GSE1: variants seen among roughly 807,000 people sequenced by gnomAD.
GSE1 encodes genetic suppressor element 1.
In GSE1, 32 loss-of-function variants were observed where a neutral mutation model predicts 112.6. The observed-to-expected ratio is 0.28, with a 90% CI of 0.21 to 0.38. The LOEUF (loss-of-function observed/expected upper bound fraction) is 0.38, where lower values mean the gene tolerates loss of function less well. Ranked by LOEUF, GSE1 falls within the 10% of genes least tolerant of loss-of-function variation. The pLI is 1.00. For synonymous variants in GSE1, 1,115 were observed against 735.6 expected (o/e 1.52, Z -8.35); for missense variants, 2,348 against 1,699.2 (o/e 1.38, Z -6.71).
chr16:85,319,782 T>A (rs1478538872), intron 1 of GSE1, among the ~76,000 whole-genome samples: 1 of 152,206 alleles, frequency 6.6e-6, no homozygotes, highest in Non-Finnish European at 1.5e-5. Context: ...ATCTTATACC[T>A]TTTAGACCTT....
At chr16:85,664,953 C>T (rs1430096614) in intron 11 of GSE1, 62 bp from the exon 12 acceptor site, 7 of 1,122,836 alleles carry the variant, frequency 6.2e-6, no homozygotes, top group Admixed American at 5.2e-5. Context: ...TAGAATCCCG[C>T]TGTCCTTCTC....
intron 1 of GSE1, among the ~76,000 whole-genome samples, chr16:85,293,501 G>A (rs1422236819): frequency 6.6e-6 from 1 of 152,136 alleles, no homozygotes; most frequent in Non-Finnish European, 1.5e-5. Flanking sequence ...AGCTGAGATT[G>A]AGCCCCTGCA....
Position 85,491,076 on chromosome 16 carries a change from G to C in GSE1, c.2464+133433G>C, listed in dbSNP as rs183409950. Reference sequence around the variant, plus strand: ...CCTTGAGGTAGGTCCTGCAGGCGCCGGGGGAGGGGTACAGCTGGGCCCCCC... The same window carrying C: ...CCTTGAGGTAGGTCCTGCAGGCGCCCGGGGAGGGGTACAGCTGGGCCCCCC... On this transcript the variant is annotated intron_variant, in intron 2 of 2. Coordinates refer to the GSE1 transcript ENST00000637419. 2.0e-5 allele frequency among the ~76,000 whole-genome samples: 3 copies of C among 152,178 alleles called. No homozygotes were observed. The East Asian group carries it at 5.8e-4, about 29-fold the overall frequency.
At chr16:85,505,490 C>T (rs1050287662) in intron 2 of GSE1, among the ~76,000 whole-genome samples, 3 of 152,266 alleles carry the variant, frequency 2.0e-5, no homozygotes, top group Admixed American at 6.5e-5. Flanking sequence ...AGAGCCCAGG[C>T]CCTGAGAGCA....
intron 2 of GSE1, among the ~76,000 whole-genome samples, chr16:85,504,535 G>T (rs760689904): frequency 4.6e-5 from 7 of 152,216 alleles, no homozygotes; most frequent in Admixed American, 1.3e-4. Flanking sequence ...TGAAGCCGAC[G>T]AGTCTTTGGG....
At chr16:85,346,769 C>T (rs372375324) in intron 1 of GSE1, among the ~76,000 whole-genome samples, 37 of 92,370 alleles carry the variant, frequency 4.0e-4, no homozygotes, top group Non-Finnish European at 5.6e-4. Flanking sequence ...GGTGGGTGGA[C>T]GGTGGATGGA....
At chr16:85,615,654 A>G (rs1051615491) in intron 1 of GSE1, among the ~76,000 whole-genome samples, 10 of 152,300 alleles carry the variant, frequency 6.6e-5, no homozygotes, top group African/African-American at 2.4e-4. Context: ...GCTGAGCTCA[A>G]AACAAGGAAG....
At chr16:85,391,562 G>C (rs1012117537) in intron 2 of GSE1, among the ~76,000 whole-genome samples, 1 of 152,170 alleles carries the variant, frequency 6.6e-6, no homozygotes, top group Non-Finnish European at 1.5e-5. Context: ...CAGTGTCTGC[G>C]GTCATCACGT....
chr16:85,229,785 A>T (rs1191871008), intron 1 of GSE1, among the ~76,000 whole-genome samples: 5 of 152,182 alleles, frequency 3.3e-5, no homozygotes, highest in African/African-American at 1.2e-4. Flanking sequence ...AGTAAATCCA[A>T]ATGTGATTCT....
chr16:85,246,788 C>T lies in GSE1; in HGVS notation c.2283+74981C>T, dbSNP rs576910146. ...ATGGGCACCCTCTGGGGGAGCCTCC[C>T]CCCTGGATGTCTGTGGCCCCTACTG... On this transcript the variant is annotated intron_variant, in intron 1 of 2. Coordinates refer to the GSE1 transcript ENST00000637419. 9.2e-5 allele frequency among the ~76,000 whole-genome samples: 14 copies of T among 152,156 alleles called. No individual in the cohort carries two copies. The East Asian group carries it at 9.7e-4, about 11-fold the overall frequency.
intron 1 of GSE1, among the ~76,000 whole-genome samples, chr16:85,197,948 G>A (rs552890575): frequency 9.2e-5 from 14 of 152,300 alleles, no homozygotes; most frequent in Non-Finnish European, 1.6e-4. Context: ...TGGTGAGCAC[G>A]CAGGGCAATT....
intron 1 of GSE1, among the ~76,000 whole-genome samples, chr16:85,605,546 G>C (rs534169695): frequency 1.3e-5 from 2 of 152,060 alleles, no homozygotes; most frequent in African/African-American, 2.4e-5. Flanking sequence ...TCACCAAAGT[G>C]GGGGCAGGGG....
At chr16:85,643,342 A>T (rs947118635) in intron 2 of GSE1, among the ~76,000 whole-genome samples, 1 of 152,074 alleles carries the variant, frequency 6.6e-6, no homozygotes, top group South Asian at 2.1e-4. Flanking sequence ...AGCCTCGCTA[A>T]TGGGCCTGGC....
chr16:85,555,061 C>G (rs1191581216), upstream of GSE1: 2 of 985,358 alleles, frequency 2.0e-6, no homozygotes, highest in Middle Eastern at 5.2e-4. Context: ...TATCGCCCTG[C>G]GAAGCATGGA....
intron 14 of GSE1, 63 bp from the exon 15 acceptor site, chr16:85,670,932 G>A (rs2053276771): frequency 3.0e-6 from 3 of 1,007,936 alleles, no homozygotes; most frequent in Non-Finnish European, 4.7e-6. Context: ...GAAGAGGAGA[G>A]CACAAAGCGG....
intron 1 of GSE1, among the ~76,000 whole-genome samples, chr16:85,229,037 G>A (rs1451774490): frequency 2.0e-5 from 3 of 152,244 alleles, no homozygotes; most frequent in Non-Finnish European, 2.9e-5. Flanking sequence ...GGGAGGGTGC[G>A]ACACTCGCCA....
At chr16:85,489,420 C>G (rs1339588624) in intron 2 of GSE1, among the ~76,000 whole-genome samples, 2 of 152,138 alleles carry the variant, frequency 1.3e-5, no homozygotes, top group Non-Finnish European at 2.9e-5. Context: ...CCAGCACCAT[C>G]TGCCTCTGCA....
At chr16:85,525,168 G>A (rs13334109) in intron 2 of GSE1, among the ~76,000 whole-genome samples, 2,453 of 152,206 alleles carry the variant, frequency 0.016, 72 homozygotes, top group African/African-American at 0.057. Flanking sequence ...CCCCTGGCCG[G>A]CCCAGTGGTT....
chr16:85,604,435 T>G (rs2047595462), intron 1 of GSE1, among the ~76,000 whole-genome samples: 1 of 152,064 alleles, frequency 6.6e-6, no homozygotes, highest in South Asian at 2.1e-4. Flanking sequence ...GGTTTTCACT[T>G]TTTGGCTATG....
Sources: gnomAD v4.1 joint callset for allele counts (sites outside exome capture counted in the v4.1 genomes callset) on GRCh38, gnomAD v4.1.1 for gene constraint, MANE v1.5 for transcripts, NCBI Gene and HGNC (gene_info 2026-07-23, HGNC 2026-07-21) for gene names.